The following RBFOX1 variants were observed in gnomAD, a reference collection of about 807,000 sequenced individuals.
RBFOX1 encodes the protein RNA binding fox-1 homolog 1, also known as RNA binding protein fox-1 homolog 1.
Under a neutral mutation model 57.7 loss-of-function variants are expected in RBFOX1, and 8 were observed. The ratio of observed to expected loss-of-function variants is 0.14; its 90% CI spans 0.08 to 0.25. The LOEUF (loss-of-function observed/expected upper bound fraction) is 0.25, where lower values mean the gene tolerates loss of function less well. Ranked by LOEUF, RBFOX1 falls within the 10% of genes least tolerant of loss-of-function variation. The pLI, the probability that RBFOX1 is intolerant of heterozygous loss-of-function variation, is 1.00. For missense variants in RBFOX1, 611 were observed against 548.5 expected (o/e 1.11, Z -1.14); for synonymous variants, 326 against 222.4 (o/e 1.47, Z -4.15).
intron 1 of RBFOX1, among the ~76,000 whole-genome samples, chr16:6,153,959 A>T (rs1405018487): frequency 2.0e-5 from 3 of 152,220 alleles, no homozygotes; most frequent in African/African-American, 7.2e-5. Flanking sequence ...CAAATACAGT[A>T]TGTCAAGCAA....
intron 1 of RBFOX1, among the ~76,000 whole-genome samples, chr16:6,126,422 T>A (rs2152657399): frequency 6.6e-6 from 1 of 152,338 alleles, no homozygotes; most frequent in Non-Finnish European, 1.5e-5. Flanking sequence ...TATTTTTTTT[T>A]AATTTAAATT....
intron 1 of RBFOX1, among the ~76,000 whole-genome samples, chr16:6,184,031 C>T (rs2152797229): frequency 6.6e-6 from 1 of 152,062 alleles, no homozygotes; most frequent in East Asian, 1.9e-4. Context: ...ACAATCGTGC[C>T]AGAAGGCAAA....
At chr16:6,889,010 C>G (rs1224963889) in intron 3 of RBFOX1, among the ~76,000 whole-genome samples, 2 of 152,170 alleles carry the variant, frequency 1.3e-5, no homozygotes, top group African/African-American at 2.4e-5. Context: ...ACTTAGATTG[C>G]AAATAAGTCT....
At chr16:5,358,829 A>G (rs1488634818) in intron 1 of RBFOX1, among the ~76,000 whole-genome samples, 1 of 152,078 alleles carries the variant, frequency 6.6e-6, no homozygotes, top group Non-Finnish European at 1.5e-5. Flanking sequence ...CTCCATCTCA[A>G]AAAAAAGAAA....
At chr16:5,661,696 T>G (rs1432688225) in intron 3 of RBFOX1, among the ~76,000 whole-genome samples, 1 of 152,260 alleles carries the variant, frequency 6.6e-6, no homozygotes, top group Non-Finnish European at 1.5e-5. Flanking sequence ...TGAAGACACT[T>G]AAAGTCTGCT....
At chr16:6,353,621 G>A (rs1181813364) in intron 2 of RBFOX1, among the ~76,000 whole-genome samples, 1 of 152,088 alleles carries the variant, frequency 6.6e-6, no homozygotes, top group African/African-American at 2.4e-5. Flanking sequence ...ACTTATCTAA[G>A]ATTCCTTTGA....
At chr16:5,432,170 C>A (rs547943275) in intron 1 of RBFOX1, among the ~76,000 whole-genome samples, 3 of 152,008 alleles carry the variant, frequency 2.0e-5, no homozygotes, top group Admixed American at 6.6e-5. Flanking sequence ...ATTGGCACAG[C>A]GAGGTGTGGA....
intron 2 of RBFOX1, among the ~76,000 whole-genome samples, chr16:6,468,102 A>C (rs1410375385): frequency 1.3e-5 from 2 of 152,156 alleles, no homozygotes; most frequent in African/African-American, 4.8e-5. Flanking sequence ...TTTTCTCTGC[A>C]CAGAAATACT....
chr16:6,487,432 A>G (rs1351731244), intron 2 of RBFOX1, among the ~76,000 whole-genome samples: 2 of 151,832 alleles, frequency 1.3e-5, no homozygotes, highest in Admixed American at 6.6e-5. Context: ...ACTTTGATGT[A>G]GCAAATGTAA....
chr16:6,925,569 A>T (rs1169897588), intron 3 of RBFOX1, among the ~76,000 whole-genome samples: 1 of 152,066 alleles, frequency 6.6e-6, no homozygotes, highest in Non-Finnish European at 1.5e-5. Context: ...TAGCTCTAGC[A>T]TTAAGACTAG....
intron 4 of RBFOX1, among the ~76,000 whole-genome samples, chr16:5,941,568 C>G (rs2059278692): frequency 6.6e-6 from 1 of 151,914 alleles, no homozygotes; most frequent in African/African-American, 2.4e-5. Context: ...AGAAATTGTG[C>G]TTACTTTGCA....
chr16:7,538,751 TG>T (rs2082142590), intron 5 of RBFOX1, among the ~76,000 whole-genome samples: 2 of 152,208 alleles, frequency 1.3e-5, no homozygotes, highest in Admixed American at 6.5e-5. Flanking sequence ...GAGATCAGCT[TG>T]GTACATATAC....
intron 4 of RBFOX1, among the ~76,000 whole-genome samples, chr16:7,479,876 G>A (rs1246445466): frequency 2.0e-5 from 3 of 152,178 alleles, no homozygotes; most frequent in Non-Finnish European, 4.4e-5. Context: ...GACATTTTCA[G>A]CTTAAATGTG....
intron 1 of RBFOX1, among the ~76,000 whole-genome samples, chr16:6,091,755 T>C (rs1039377677): frequency 1.3e-5 from 2 of 152,180 alleles, no homozygotes; most frequent in Non-Finnish European, 2.9e-5. Context: ...TGCTTGAACC[T>C]GGGAGTTGGA....
Position 7,710,777 on chromosome 16 carries a change from G to A in RBFOX1, c.*32G>A. On this transcript the variant is annotated 3_prime_UTR_variant, in exon 16 of 16. Transcript: ENST00000550418. ...AAACCATAAAAACCTTCCAATGTGG[G>A]GAGAAAGGAAGCTTTCCGAGGCCTG... The A allele has an allele frequency of 6.6e-7, 1 of 1,508,754 alleles. No individual in the cohort carries two copies. The allele number at this position is 1,508,754 out of a possible 1,614,324, so 93.5% of individuals were successfully genotyped here. A position where few individuals can be genotyped will look rare whatever the true frequency, so the allele number is the denominator to read the frequency against.
chr16:6,168,934 A>C (rs757078078), intron 1 of RBFOX1, among the ~76,000 whole-genome samples: 18 of 152,110 alleles, frequency 1.2e-4, no homozygotes, highest in Non-Finnish European at 1.5e-4. Flanking sequence ...GAGTAGGAAG[A>C]AGGTCTCTGT....
At chr16:5,509,745 A>C (rs2043513886) in intron 2 of RBFOX1, among the ~76,000 whole-genome samples, 1 of 152,180 alleles carries the variant, frequency 6.6e-6, no homozygotes, top group Admixed American at 6.5e-5. Flanking sequence ...CGTGGACGTT[A>C]AGGCCAAGAT....
intron 1 of RBFOX1, among the ~76,000 whole-genome samples, chr16:6,209,027 G>C (rs921497920): frequency 1.3e-5 from 2 of 152,086 alleles, no homozygotes; most frequent in African/African-American, 4.8e-5. Context: ...CAACCTTGAA[G>C]GATAATTTTG....
At chr16:7,213,993 C>G (rs374343602) in intron 4 of RBFOX1, among the ~76,000 whole-genome samples, 76 of 152,198 alleles carry the variant, frequency 5.0e-4, no homozygotes, top group East Asian at 2.3e-3. Flanking sequence ...TTCCACTGTC[C>G]TGATGGAGCA....
Sources: gnomAD v4.1 joint callset for allele counts (sites outside exome capture counted in the v4.1 genomes callset) on GRCh38, gnomAD v4.1.1 for gene constraint, MANE v1.5 for transcripts, NCBI Gene and HGNC (gene_info 2026-07-23, HGNC 2026-07-21) for gene names.